PCDH15: variants seen among roughly 807,000 people sequenced by gnomAD.
PCDH15 encodes protocadherin-15.
A neutral mutation model predicts 178.5 loss-of-function variants in PCDH15; 129 were observed. The observed-to-expected ratio is 0.72, with a 90% CI of 0.63 to 0.84. The LOEUF (loss-of-function observed/expected upper bound fraction) is 0.84, where lower values mean the gene tolerates loss of function less well. PCDH15 is among the 40% of genes least tolerant of loss of function. The pLI is 0.00. For missense variants in PCDH15, 2,230 were observed against 2,099.9 expected, an observed-to-expected ratio of 1.06 and a Z score of -1.21; for synonymous variants, 800 against 732.0, an observed-to-expected ratio of 1.09 and a Z score of -1.50.
chr10:54,279,226 A>G (rs1193259380), intron 8 of PCDH15, among the ~76,000 whole-genome samples: 5 of 151,612 alleles, frequency 3.3e-5, no homozygotes, highest in Non-Finnish European at 7.4e-5. Context: ...TGTGGGCACA[A>G]TCATACAATT....
rs1469883455 is a variant in PCDH15 at position 54,964,907 on chromosome 10, C to A, written c.-79-67407G>T. 2.0e-5 allele frequency among the ~76,000 whole-genome samples: 3 copies of A among 152,114 alleles called. No homozygotes were observed. In the East Asian group the frequency reaches 5.8e-4, roughly 29 times the overall value. ...TATTCTCAGCAGTCAGAAAGAGCAG[C>A]CAACTCTGAGATAATGTGTTACAAC... On this transcript the variant is annotated intron_variant, in intron 2 of 5. Transcript: ENST00000458638.
rs753565580 is a variant in PCDH15 at position 54,416,665 on chromosome 10, G to GGTATTTCTGGT, written c.158-37734_158-37724dup. The stretch of plus-strand genomic sequence containing the variant: ...TAGTAATGATATTGTTGGGTCAAAT[G>GGTATTTCTGGT]GTATTTCTGGTTCTAGATCCTTGAT... On this transcript the variant is annotated intron_variant, in intron 3 of 37. Transcript: ENST00000644397. Among the ~76,000 whole-genome samples, 50 of 152,242 alleles carry GGTATTTCTGGT rather than the reference G, an allele frequency of 3.3e-4. 1 individual carries two copies. Among genetic ancestry groups the GGTATTTCTGGT allele is most frequent in the Middle Eastern group, 3.4e-3 (1 of 294 alleles).
chr10:55,590,745 T>C (rs892465254), intron 2 of PCDH15, among the ~76,000 whole-genome samples: 2 of 152,188 alleles, frequency 1.3e-5, no homozygotes, highest in African/African-American at 4.8e-5. Context: ...GTAAGTCACT[T>C]TATTATACAG....
chr10:53,919,410 T>G (rs564021330), intron 25 of PCDH15, among the ~76,000 whole-genome samples: 2 of 152,030 alleles, frequency 1.3e-5, no homozygotes, highest in African/African-American at 4.8e-5. Context: ...GCTCTTTTTA[T>G]GTGCAAACAA....
chr10:55,069,893 A>C (rs1240335547), intron 2 of PCDH15, among the ~76,000 whole-genome samples: 1 of 152,110 alleles, frequency 6.6e-6, no homozygotes, highest in Non-Finnish European at 1.5e-5. Context: ...CAGTCCCACC[A>C]ACAGTGTAAA....
intron 1 of PCDH15, among the ~76,000 whole-genome samples, chr10:55,260,327 T>A (rs185870700): frequency 6.6e-6 from 1 of 151,896 alleles, no homozygotes; most frequent in Non-Finnish European, 1.5e-5. Flanking sequence ...GAAGCAAATA[T>A]AGAGGAGGAA....
At chr10:55,596,219 C>G (rs527380095) in intron 2 of PCDH15, among the ~76,000 whole-genome samples, 2 of 152,130 alleles carry the variant, frequency 1.3e-5, no homozygotes, top group South Asian at 4.1e-4. Flanking sequence ...TAATGTAACA[C>G]TTTATTGGCT....
At chr10:54,009,705 C>T (rs1329580164) in intron 20 of PCDH15, among the ~76,000 whole-genome samples, 1 of 152,172 alleles carries the variant, frequency 6.6e-6, no homozygotes, top group Non-Finnish European at 1.5e-5. Context: ...GGCACAGAGT[C>T]AGGGGAGTCC....
intron 3 of PCDH15, among the ~76,000 whole-genome samples, chr10:54,385,911 A>G (rs1329786335): frequency 6.6e-6 from 1 of 152,178 alleles, no homozygotes; most frequent in Non-Finnish European, 1.5e-5. Context: ...ATTTTCTAAT[A>G]ATCATTGCAT....
intron 2 of PCDH15, among the ~76,000 whole-genome samples, chr10:54,633,587 A>C (rs2093761816): frequency 6.6e-6 from 1 of 152,092 alleles, no homozygotes; most frequent in African/African-American, 2.4e-5. Flanking sequence ...CTAACAGTGG[A>C]GAATTTCTGG....
intron 25 of PCDH15, among the ~76,000 whole-genome samples, chr10:53,916,956 G>T (rs1043724755): frequency 3.3e-5 from 5 of 151,708 alleles, no homozygotes; most frequent in Non-Finnish European, 5.9e-5. Flanking sequence ...AATACCAATA[G>T]CATGAAATTG....
intron 2 of PCDH15, among the ~76,000 whole-genome samples, chr10:54,561,339 A>G (rs2088114990): frequency 6.6e-6 from 1 of 152,162 alleles, no homozygotes; most frequent in African/African-American, 2.4e-5. Context: ...AATAATGAAC[A>G]AAGTTCAAAA....
chr10:55,129,581 G>T (rs151328022), intron 2 of PCDH15, among the ~76,000 whole-genome samples: 1,613 of 152,164 alleles, frequency 0.011, 12 homozygotes, highest in Middle Eastern at 0.02. Context: ...AAAATGAACT[G>T]AACTTTGGGT....
At chr10:54,177,611 T>A (rs1200237119) in intron 13 of PCDH15, among the ~76,000 whole-genome samples, 1 of 152,004 alleles carries the variant, frequency 6.6e-6, no homozygotes, top group Admixed American at 6.6e-5. Flanking sequence ...ACAAAAAAGA[T>A]GAAATGATGA....
chr10:54,105,337 T>TAC (rs1254351965), intron 15 of PCDH15, among the ~76,000 whole-genome samples: 3 of 98,628 alleles, frequency 3.0e-5, no homozygotes, highest in African/African-American at 1.0e-4. Flanking sequence ...CATACATATA[T>TAC]ATACACACAC....
At chr10:53,983,868 A>C (rs1428968667) in intron 21 of PCDH15, among the ~76,000 whole-genome samples, 2 of 152,098 alleles carry the variant, frequency 1.3e-5, no homozygotes, top group Non-Finnish European at 2.9e-5. Flanking sequence ...CTGTCTTCAC[A>C]ATCTACAAGA....
rs1554819982 is a variant in PCDH15 at position 53,822,366 on chromosome 10, GGGATAGAAGGA to G, written c.4368-2147_4368-2137del. ...AAATGTAGGAGGAGGAAGAGGAAGA[GGGATAGAAGGA>G]GGAGAGGGAGGAGGACAAAAAAGAG... is the stretch of plus-strand genomic sequence containing the variant. On this transcript the variant is annotated intron_variant, in intron 32 of 37. Transcript: ENST00000644397. 1 of 1,576,732 alleles carries G rather than the reference GGGATAGAAGGA, an allele frequency of 6.3e-7. No homozygotes were observed. The highest frequency in any genetic ancestry group is 8.6e-7 in the Non-Finnish European group (1 of 1,160,048).
chr10:54,912,521 C>T (rs201679824), intron 2 of PCDH15, among the ~76,000 whole-genome samples: 2 of 152,232 alleles, frequency 1.3e-5, no homozygotes, highest in East Asian at 3.9e-4. Flanking sequence ...TTCTTAAGAC[C>T]TCACCATCTA....
chr10:54,029,897 T>A (rs932223953), intron 18 of PCDH15, among the ~76,000 whole-genome samples: 2 of 152,096 alleles, frequency 1.3e-5, no homozygotes, highest in African/African-American at 4.8e-5. Context: ...AAAGCATGCC[T>A]GTATGGGTGG....
Sources: gnomAD v4.1 joint callset for allele counts (sites outside exome capture counted in the v4.1 genomes callset) on GRCh38, gnomAD v4.1.1 for gene constraint, MANE v1.5 for transcripts, NCBI Gene and HGNC (gene_info 2026-07-23, HGNC 2026-07-21) for gene names.